Variants in MCM9 observed in about 807,000 individuals in gnomAD.
MCM9 encodes the protein minichromosome maintenance 9 homologous recombination repair factor, also known as DNA helicase MCM9.
A neutral mutation model predicts 72.8 loss-of-function variants in MCM9; 55 were observed. That is an observed-to-expected ratio of 0.76 (90% CI 0.61 to 0.95). The LOEUF is 0.95. Among genes scored for constraint, MCM9 ranks in the 40% least tolerant of loss-of-function variants. MCM9 has a pLI of 0.00. For synonymous variants in MCM9, 480 were observed against 503.4 expected (o/e 0.95, Z 0.62); for missense variants, 1,279 against 1,377.0 (o/e 0.93, Z 1.13).
intron 8 of MCM9, among the ~76,000 whole-genome samples, chr6:118,898,675 C>T (rs1371353312): frequency 6.6e-6 from 1 of 152,190 alleles, no homozygotes; most frequent in Admixed American, 6.5e-5. Flanking sequence ...ACCTTAGCCT[C>T]CCACAATGCT....
At chr6:118,825,522 C>CACCA (rs1352849700) in intron 13 of MCM9, among the ~76,000 whole-genome samples, 10 of 152,166 alleles carry the variant, frequency 6.6e-5, no homozygotes, top group Non-Finnish European at 1.0e-4. Flanking sequence ...TTGAGACCAA[C>CACCA]ACCAGTAAGA....
chr6:118,906,818 A>G (rs917192577), intron 8 of MCM9, among the ~76,000 whole-genome samples: 3 of 152,214 alleles, frequency 2.0e-5, no homozygotes, highest in Non-Finnish European at 4.4e-5. Context: ...GAAAAATTAC[A>G]TGACAATAGA....
At chr6:118,871,040 C>T (rs1339024093) in intron 8 of MCM9, among the ~76,000 whole-genome samples, 1 of 152,076 alleles carries the variant, frequency 6.6e-6, no homozygotes, top group Non-Finnish European at 1.5e-5. Flanking sequence ...AGAATTAATA[C>T]CAATCCTACT....
At chr6:118,831,300 C>T (rs533721108) in intron 9 of MCM9, among the ~76,000 whole-genome samples, 9 of 141,898 alleles carry the variant, frequency 6.3e-5, no homozygotes, top group East Asian at 6.2e-4. Context: ...TGCAGTGAGC[C>T]GAGCTTGTGC....
intron 9 of MCM9, among the ~76,000 whole-genome samples, chr6:118,845,365 G>A (rs922244773): frequency 2.6e-5 from 4 of 151,656 alleles, no homozygotes; most frequent in Non-Finnish European, 4.4e-5. Context: ...CAGTAGTTAC[G>A]GAGAGTTCAG....
chr6:118,905,871 A>G, intron 8 of MCM9: 1 of 1,440,160 alleles, frequency 6.9e-7, no homozygotes, highest in South Asian at 1.4e-5. Context: ...TTACTATGCA[A>G]TTTTTAAAGC....
intron 1 of MCM9, chr6:118,934,282 A>G (rs1297493342): frequency 4.6e-5 from 7 of 152,160 alleles, no homozygotes; most frequent in Non-Finnish European, 1.5e-5. Flanking sequence ...CCACCCAGAT[A>G]GACACTGGAG....
At position 118,851,340 on chromosome 6, in the gene MCM9, A is replaced by C. The variant is rs189459392; in HGVS notation, c.1325+5031T>G. 1.4e-4 allele frequency among the ~76,000 whole-genome samples: 22 copies of C among 151,958 alleles called. 2 individuals carry two copies. The highest frequency in any genetic ancestry group is 5.1e-4 in the African/African-American group (21 of 41,236). On this transcript the variant is annotated intron_variant, in intron 9 of 13. Coordinates refer to ENST00000619706, the MANE Select transcript of MCM9 (RefSeq NM_017696.3). Reference sequence around the variant, plus strand: ...TCTGTTACTATAAGGTAATTAGAAAATGTCTTCACTAAATTGATCAAGAAA... The same window carrying C: ...TCTGTTACTATAAGGTAATTAGAAACTGTCTTCACTAAATTGATCAAGAAA...
Position 118,814,292 on chromosome 6 carries a change from C to T in MCM9, c.*532G>A, listed in dbSNP as rs1178667008. 1 of 148,628 alleles carries T rather than the reference C, an allele frequency of 6.7e-6. No individual in the cohort carries two copies. The highest frequency in any genetic ancestry group is 1.5e-5 in the Non-Finnish European group (1 of 67,600). 9.2% of individuals were successfully genotyped at this position (148,628 alleles called of 1,614,324 possible). The stretch of plus-strand genomic sequence containing the variant: ...TTAGTCACATTTAACCTGATCCACA[C>T]AAATCAATACAAAAATAATACTAGA... On this transcript the variant is annotated 3_prime_UTR_variant, in exon 14 of 14. Transcript: ENST00000619706.
Position 118,828,076 on chromosome 6 carries a change from A to G in MCM9, c.1583T>C (p.Phe528Ser). 2 of 1,550,646 alleles carry G rather than the reference A, an allele frequency of 1.3e-6. No homozygotes were observed. Among genetic ancestry groups the G allele is most frequent in the Non-Finnish European group, 1.7e-6 (2 of 1,147,006 alleles). ...LWSMEKMKTY[F>S]CLIRNLQPTL... ...GGGCTGCAGATTCCTTATGAGGCAG[A>G]AATAGGTTTTCATCTTTTCCATGCT... The change falls in exon 11 of 14, where the codon TTC becomes TCC. Residue 528 changes from phenylalanine to serine, a missense_variant. Coordinates refer to ENST00000619706, the MANE Select transcript of MCM9 (RefSeq NM_017696.3).
intron 2 of MCM9, among the ~76,000 whole-genome samples, chr6:118,932,033 C>CTGCA (rs1223031792): frequency 6.6e-6 from 1 of 152,158 alleles, no homozygotes; most frequent in Non-Finnish European, 1.5e-5. Context: ...CATATTAACC[C>CTGCA]TGCATTAATA....
intron 8 of MCM9, among the ~76,000 whole-genome samples, chr6:118,868,827 A>G (rs1335496152): frequency 2.0e-5 from 3 of 152,222 alleles, no homozygotes; most frequent in Non-Finnish European, 4.4e-5. Context: ...GGGTGTATAA[A>G]TTAGTTCAAT....
Position 118,856,593 on chromosome 6 carries a change from T to C in MCM9, c.1151-48A>G, listed in dbSNP as rs765368887. ...TCAACTTTTATTTTCAAAAGCATTATCTTGACTGGGCGCAGTGGCTCACAC... is the reference window on the plus strand; with the variant it reads ...TCAACTTTTATTTTCAAAAGCATTACCTTGACTGGGCGCAGTGGCTCACAC... On this transcript the variant is annotated intron_variant, in intron 8 of 13. Transcript: ENST00000619706. 239 of 1,527,568 alleles carry C rather than the reference T, an allele frequency of 1.6e-4. 5 individuals carry two copies. In the South Asian group the frequency reaches 2.5e-3, roughly 16 times the overall value. 94.6% of individuals were successfully genotyped at this position (1,527,568 alleles called of 1,614,324 possible). A position where few individuals can be genotyped will look rare whatever the true frequency, so the allele number is the denominator to read the frequency against.
In MCM9 at chr6:118,924,102, C is replaced by T. The variant is rs1781669593; in HGVS notation, c.330G>A (p.Val110=). The T allele has an allele frequency of 6.2e-7, 1 of 1,614,066 alleles. No individual in the cohort carries two copies. The highest frequency in any genetic ancestry group is 8.5e-7 in the Non-Finnish European group (1 of 1,180,024). The part of the protein sequence containing the change: ...ISGLPVCPEL[V]REHIPKTKDV... ...CCTTGGTTTTAGGTATGTGTTCCCT[C>T]ACCAGCTCAGGACAGACAGGCAAAC... Residue 110 remains valine, a synonymous_variant, in exon 4 of 14, where the codon GTG becomes GTA. Transcript: ENST00000619706.
At chr6:118,913,567 G>A (rs1780713153) in intron 6 of MCM9, 147 bp from the exon 7 acceptor site, 2 of 1,025,774 alleles carry the variant, frequency 1.9e-6, no homozygotes, top group Non-Finnish European at 2.8e-6. Context: ...ATGACCAACA[G>A]GATTAAAGGA....
rs534050599 is a variant in MCM9, at chr6:118,849,332, G to A, written c.1325+7039C>T. 2.0e-5 allele frequency among the ~76,000 whole-genome samples: 3 copies of A among 151,808 alleles called. No homozygotes were observed. The East Asian group carries it at 5.8e-4, about 29-fold the overall frequency. On this transcript the variant is annotated intron_variant, in intron 9 of 13. Coordinates refer to ENST00000619706, the MANE Select transcript of MCM9 (RefSeq NM_017696.3). ...GAAACAAACAAAAACCCAGTAATAA[G>A]AGACTTTAACACACCACTCTTGGTC...
At chr6:118,905,374 T>C (rs1780109253) in intron 8 of MCM9, among the ~76,000 whole-genome samples, 1 of 152,100 alleles carries the variant, frequency 6.6e-6, no homozygotes, top group African/African-American at 2.4e-5. Flanking sequence ...AATCCTTTCA[T>C]GAACCACCAT....
chr6:118,861,832 G>C (rs1776925831), intron 8 of MCM9, among the ~76,000 whole-genome samples: 1 of 152,188 alleles, frequency 6.6e-6, no homozygotes, highest in Non-Finnish European at 1.5e-5. Flanking sequence ...GCTGTCCCTG[G>C]CTTGAAGGTG....
At chr6:118,883,368 T>C (rs1189692787) in intron 8 of MCM9, among the ~76,000 whole-genome samples, 1 of 151,596 alleles carries the variant, frequency 6.6e-6, no homozygotes, top group Non-Finnish European at 1.5e-5. Flanking sequence ...GAATAATATA[T>C]ATATATTGGG....
Sources: gnomAD v4.1 joint callset for allele counts (sites outside exome capture counted in the v4.1 genomes callset) on GRCh38, gnomAD v4.1.1 for gene constraint, MANE v1.5 for transcripts, NCBI Gene and HGNC (gene_info 2026-07-23, HGNC 2026-07-21) for gene names.